PMS1: variants seen among roughly 807,000 people sequenced by gnomAD.
PMS1 encodes PMS1 homolog 1, mismatch repair system component.
Under a neutral mutation model 93.1 loss-of-function variants are expected in PMS1, and 79 were observed. The observed-to-expected ratio is 0.85, with a 90% CI of 0.71 to 1.02. The LOEUF is 1.02. Ranked by LOEUF, PMS1 falls within the 50% of genes least tolerant of loss-of-function variation. The pLI, the probability that PMS1 is intolerant of heterozygous loss-of-function variation, is 0.00. For synonymous variants in PMS1, 335 were observed against 363.4 expected, an observed-to-expected ratio of 0.92 and a Z score of 0.89; for missense variants, 1,064 against 1,085.3, an observed-to-expected ratio of 0.98 and a Z score of 0.28.
intron 5 of PMS1, among the ~76,000 whole-genome samples, chr2:189,828,911 G>A (rs1368799911): frequency 1.3e-5 from 2 of 148,604 alleles, no homozygotes; most frequent in South Asian, 2.1e-4. Context: ...AAAAGAGGAC[G>A]TAGAAGGATC....
intron 2 of PMS1, among the ~76,000 whole-genome samples, 153 bp from the exon 3 acceptor site, chr2:189,795,616 T>TCTC (rs2049284935): frequency 6.6e-6 from 1 of 152,196 alleles, no homozygotes; most frequent in Non-Finnish European, 1.5e-5. Flanking sequence ...AACTAGAAAT[T>TCTC]AGTAGAGCTG....
intron 1 of PMS1, among the ~76,000 whole-genome samples, chr2:189,786,942 A>G (rs1320165136): frequency 6.6e-6 from 1 of 152,062 alleles, no homozygotes; most frequent in Non-Finnish European, 1.5e-5. Flanking sequence ...AATCCCAGCT[A>G]CTCGGGAGGC....
At chr2:189,874,787 G>T (rs1484159173) in intron 12 of PMS1, among the ~76,000 whole-genome samples, 2 of 152,266 alleles carry the variant, frequency 1.3e-5, no homozygotes, top group African/African-American at 4.8e-5. Context: ...CCAGCCTATT[G>T]TGCGGGTAGC....
intron 4 of PMS1, among the ~76,000 whole-genome samples, chr2:189,807,663 A>G (rs1379996015): frequency 6.6e-6 from 1 of 152,218 alleles, no homozygotes; most frequent in Non-Finnish European, 1.5e-5. Context: ...ATCCTTAGAT[A>G]TGGAATCCAT....
chr2:189,873,403 G>C (rs553603644), intron 11 of PMS1, 93 bp from the exon 12 acceptor site: 29 of 792,514 alleles, frequency 3.7e-5, no homozygotes, highest in Non-Finnish European at 5.4e-5. Context: ...TTTGAATGAG[G>C]GTTCACTAAA....
chr2:189,813,690 G>T (rs1476555305), intron 4 of PMS1, among the ~76,000 whole-genome samples: 1 of 152,162 alleles, frequency 6.6e-6, no homozygotes, highest in Non-Finnish European at 1.5e-5. Flanking sequence ...CCAAAGGATT[G>T]CTGTCATATG....
chr2:189,844,926 C>G (rs1233024662), intron 6 of PMS1, among the ~76,000 whole-genome samples: 1 of 151,718 alleles, frequency 6.6e-6, no homozygotes, highest in East Asian at 1.9e-4. Flanking sequence ...GGTGGGATCT[C>G]AGCCCACTAC....
chr2:189,794,210 T>C (rs1261462139), intron 2 of PMS1, among the ~76,000 whole-genome samples: 1 of 152,244 alleles, frequency 6.6e-6, no homozygotes, highest in African/African-American at 2.4e-5. Context: ...TCTCCCGGTC[T>C]CAAGCGATTC....
chr2:189,832,977 A>G (rs5743080), intron 5 of PMS1, among the ~76,000 whole-genome samples: 2,487 of 152,332 alleles, frequency 0.016, 62 homozygotes, highest in African/African-American at 0.054. Flanking sequence ...ACTAGTGTCA[A>G]GACCAACCAT....
At chr2:189,784,721 G>A (rs2048111149) in intron 1 of PMS1, 128 bp downstream of exon 1, 1 of 152,628 alleles carries the variant, frequency 6.6e-6, no homozygotes. Context: ...GGGGCGGGAA[G>A]CGAAGCCGGG....
chr2:189,802,890 C>T (rs1252325721), intron 3 of PMS1, among the ~76,000 whole-genome samples: 1 of 152,150 alleles, frequency 6.6e-6, no homozygotes, highest in Non-Finnish European at 1.5e-5. Context: ...TTCCTAAATG[C>T]AGCTTCATCA....
At chr2:189,801,645 C>A (rs1188967660) in intron 3 of PMS1, among the ~76,000 whole-genome samples, 1 of 151,952 alleles carries the variant, frequency 6.6e-6, no homozygotes, top group Non-Finnish European at 1.5e-5. Flanking sequence ...AGAACAAATT[C>A]TGAAGTAGGA....
chr2:189,863,385 C>A (rs1433016047), intron 9 of PMS1, among the ~76,000 whole-genome samples: 1 of 151,812 alleles, frequency 6.6e-6, no homozygotes, highest in Non-Finnish European at 1.5e-5. Flanking sequence ...TTCTGAGTAG[C>A]TGGGACTACA....
At chr2:189,809,649 G>A (rs1253277936) in intron 4 of PMS1, among the ~76,000 whole-genome samples, 2 of 151,842 alleles carry the variant, frequency 1.3e-5, no homozygotes, top group East Asian at 3.9e-4. Flanking sequence ...TTCAAGACCT[G>A]CCTGGCCAAC....
At chr2:189,861,088 C>T (rs1199825211) in intron 9 of PMS1, among the ~76,000 whole-genome samples, 1 of 151,538 alleles carries the variant, frequency 6.6e-6, no homozygotes, top group Non-Finnish European at 1.5e-5. Context: ...TTTAGGTCTG[C>T]CATTTTCCTG....
chr2:189,798,756 G>GTTTTTTT (rs2049587934), intron 3 of PMS1, among the ~76,000 whole-genome samples: 1 of 125,236 alleles, frequency 8.0e-6, no homozygotes, highest in Non-Finnish European at 1.7e-5. Context: ...ATAAGTATTT[G>GTTTTTTT]ATTTTTTTTT....
rs747129479 is a variant in PMS1, at chr2:189,854,666, C to T, written c.1394C>T (p.Thr465Ile). Residue 465 changes from threonine to isoleucine, a missense_variant, in exon 9 of 13, where the codon ACC (threonine) becomes ATC (isoleucine). Physicochemically the swap from Thr to Ile is moderately conservative, Grantham distance 89. Transcript: ENST00000441310. ...KTCFISSVKHTQSENGNKDHI... is the reference protein window; with the variant it reads ...KTCFISSVKHIQSENGNKDHI... ...TGTTTTATAAGTTCCGTTAAGCACA[C>T]CCAGTCAGAAAATGGCAATAAAGAC... The T allele has an allele frequency of 1.2e-6, 2 of 1,613,722 alleles. No homozygotes were observed. Among genetic ancestry groups the T allele is most frequent in the Non-Finnish European group, 1.7e-6 (2 of 1,179,782 alleles).
At chr2:189,841,295 T>G (rs2053801027) in intron 5 of PMS1, among the ~76,000 whole-genome samples, 1 of 152,204 alleles carries the variant, frequency 6.6e-6, no homozygotes, top group African/African-American at 2.4e-5. Context: ...GAATAAGGTT[T>G]TCATAAATTT....
At chr2:189,790,554 G>C (rs1006580287) in intron 1 of PMS1, among the ~76,000 whole-genome samples, 2 of 151,978 alleles carry the variant, frequency 1.3e-5, no homozygotes, top group Middle Eastern at 3.2e-3. Flanking sequence ...AAAGTACCTG[G>C]GCCCAGTTAC....
Sources: gnomAD v4.1 joint callset for allele counts (sites outside exome capture counted in the v4.1 genomes callset) on GRCh38, gnomAD v4.1.1 for gene constraint, MANE v1.5 for transcripts, NCBI Gene and HGNC (gene_info 2026-07-23, HGNC 2026-07-21) for gene names.